The following ATXN7L1 variants were observed in gnomAD, a reference collection of about 807,000 sequenced individuals.
ATXN7L1 encodes ataxin-7-like protein 1.
A neutral mutation model predicts 70.8 loss-of-function variants in ATXN7L1; 15 were observed. The observed-to-expected ratio is 0.21, with a 90% CI of 0.14 to 0.33. The LOEUF is 0.33. Ranked by LOEUF, ATXN7L1 falls within the 10% of genes least tolerant of loss-of-function variation. The pLI, the probability that ATXN7L1 is intolerant of heterozygous loss-of-function variation, is 1.00. For synonymous variants in ATXN7L1, 440 were observed against 445.1 expected, an observed-to-expected ratio of 0.99 and a Z score of 0.14; for missense variants, 975 against 1,097.1, an observed-to-expected ratio of 0.89 and a Z score of 1.57.
At chr7:105,719,572 C>T (rs1454695449) in intron 3 of ATXN7L1, among the ~76,000 whole-genome samples, 1 of 152,132 alleles carries the variant, frequency 6.6e-6, no homozygotes, top group Non-Finnish European at 1.5e-5. Context: ...CCACAGCTTC[C>T]TCCTAACTGC....
At chr7:105,744,488 C>G (rs1052874418) in intron 3 of ATXN7L1, among the ~76,000 whole-genome samples, 1 of 152,120 alleles carries the variant, frequency 6.6e-6, no homozygotes, top group Admixed American at 6.5e-5. Context: ...GGCTTGTTCT[C>G]CATGTGTCAG....
At chr7:105,615,158 C>T (rs1361449211) in intron 9 of ATXN7L1, among the ~76,000 whole-genome samples, 1 of 152,046 alleles carries the variant, frequency 6.6e-6, no homozygotes, top group East Asian at 1.9e-4. Flanking sequence ...ACCACTGCCC[C>T]CACCCCCCAA....
At chr7:105,745,745 C>T (rs924407363) in intron 3 of ATXN7L1, among the ~76,000 whole-genome samples, 1 of 152,212 alleles carries the variant, frequency 6.6e-6, no homozygotes, top group African/African-American at 2.4e-5. Flanking sequence ...GAGTCCCGGT[C>T]TTACTCTCTG....
chr7:105,717,407 T>C (rs1028115990), intron 3 of ATXN7L1, among the ~76,000 whole-genome samples: 1 of 152,306 alleles, frequency 6.6e-6, no homozygotes, highest in South Asian at 2.1e-4. Flanking sequence ...ATTACAGACA[T>C]GAGCCACTAT....
rs187939139 is a variant in ATXN7L1 at position 105,711,706 on chromosome 7, G to A, written c.356-46418C>T. Among the ~76,000 whole-genome samples the A allele has an allele frequency of 3.9e-5, 6 of 152,304 alleles. No homozygotes were observed. The South Asian group carries it at 6.2e-4, about 16-fold the overall frequency. On this transcript the variant is annotated intron_variant, in intron 3 of 11. Coordinates refer to ENST00000419735, the MANE Select transcript of ATXN7L1 (RefSeq NM_020725.2). ...TGACTCTGCAGGGTACAACCCCTAC[G>A]GCTACTTTCATGGTGTTGAGTGCCT...
chr7:105,855,907 T>C (rs1295152460), intron 2 of ATXN7L1, among the ~76,000 whole-genome samples: 1 of 152,240 alleles, frequency 6.6e-6, no homozygotes, highest in South Asian at 2.1e-4. Context: ...ATGTAAATAC[T>C]ACACCATTTC....
At position 105,613,843 on chromosome 7, in the gene ATXN7L1, G is replaced by A. The variant is rs1223146222; in HGVS notation, c.2472+19C>T. The A allele has an allele frequency of 4.5e-6, 7 of 1,551,698 alleles. No individual in the cohort carries two copies. ...CTGCCCCCCAGAGCCGGTGAAGGCG[G>A]TGCCAGGAGGTCCCTTACCTGCCGA... On this transcript the variant is annotated intron_variant, in intron 10 of 11. Coordinates refer to ENST00000419735, the MANE Select transcript of ATXN7L1 (RefSeq NM_020725.2).
rs142641851 is a variant in ATXN7L1 at position 105,767,233 on chromosome 7, G to C, written c.355+21371C>G. 8.9e-3 allele frequency among the ~76,000 whole-genome samples: 1,351 copies of C among 152,256 alleles called. 7 individuals are homozygous for C. Among genetic ancestry groups the C allele is most frequent in the South Asian group, 0.028 (136 of 4,822 alleles). On this transcript the variant is annotated intron_variant, in intron 3 of 11. Coordinates refer to ENST00000419735, the MANE Select transcript of ATXN7L1 (RefSeq NM_020725.2). ...CTGGCCACTGGAATCCGCTTTTGGG[G>C]ACACAGAAGCCCCCAAGATTCCAGC...
At chr7:105,822,724 C>T (rs1810336021) in intron 2 of ATXN7L1, among the ~76,000 whole-genome samples, 1 of 152,178 alleles carries the variant, frequency 6.6e-6, no homozygotes, top group African/African-American at 2.4e-5. Flanking sequence ...AAGTAGCTTG[C>T]CCAGTATCTC....
At chr7:105,868,375 G>A (rs1817783575) in intron 2 of ATXN7L1, among the ~76,000 whole-genome samples, 1 of 152,172 alleles carries the variant, frequency 6.6e-6, no homozygotes, top group South Asian at 2.1e-4. Context: ...GTTCTGGCAC[G>A]TCAGGAGAGC....
chr7:105,747,799 G>A (rs993190018), intron 3 of ATXN7L1, among the ~76,000 whole-genome samples: 1 of 152,148 alleles, frequency 6.6e-6, no homozygotes, highest in African/African-American at 2.4e-5. Context: ...CTTGGTGGTG[G>A]GAAAAACTCC....
intron 3 of ATXN7L1, among the ~76,000 whole-genome samples, chr7:105,781,552 C>T (rs1367394421): frequency 3.3e-5 from 5 of 152,170 alleles, no homozygotes; most frequent in South Asian, 2.1e-4. Flanking sequence ...TCTGACAAGA[C>T]GAAGAGTCAC....
intron 3 of ATXN7L1, among the ~76,000 whole-genome samples, chr7:105,777,784 T>C (rs1802944181): frequency 1.3e-5 from 2 of 152,194 alleles, no homozygotes; most frequent in South Asian, 2.1e-4. Flanking sequence ...CCTCACTCAA[T>C]ACCCCCCAGT....
intron 3 of ATXN7L1, among the ~76,000 whole-genome samples, chr7:105,745,739 C>T (rs915372653): frequency 7.9e-5 from 12 of 152,200 alleles, no homozygotes; most frequent in African/African-American, 2.7e-4. Context: ...GCCCTGGAGT[C>T]CCGGTCTTAC....
chr7:105,763,368 G>A (rs1800789312), intron 3 of ATXN7L1, among the ~76,000 whole-genome samples: 2 of 152,178 alleles, frequency 1.3e-5, no homozygotes, highest in Non-Finnish European at 2.9e-5. Flanking sequence ...GAGGAGGGAG[G>A]AGCTCCCCAG....
chr7:105,747,340 C>T (rs1798698852), intron 3 of ATXN7L1, among the ~76,000 whole-genome samples: 1 of 152,146 alleles, frequency 6.6e-6, no homozygotes, highest in African/African-American at 2.4e-5. Flanking sequence ...GTTCGGAGAA[C>T]TTCTGGATAG....
At chr7:105,857,933 GA>G (rs146876841) in intron 2 of ATXN7L1, among the ~76,000 whole-genome samples, 421 of 148,556 alleles carry the variant, frequency 2.8e-3, no homozygotes, top group African/African-American at 9.0e-3. Context: ...GCTACAGGGG[GA>G]AAAAAAAAAG....
At chr7:105,763,556 A>T (rs1584947129) in intron 3 of ATXN7L1, among the ~76,000 whole-genome samples, 1 of 152,358 alleles carries the variant, frequency 6.6e-6, no homozygotes, top group Non-Finnish European at 1.5e-5. Flanking sequence ...CTTTGCAAAC[A>T]TCATGTTCCC....
chr7:105,727,750 A>ATATATATATATATATATATATATATATG (rs1796017577), intron 3 of ATXN7L1, among the ~76,000 whole-genome samples: 1 of 75,686 alleles, frequency 1.3e-5, no homozygotes, highest in African/African-American at 5.5e-5. Context: ...ATGTGTGTAT[A>ATATATATATATATATATATATATATATG]TATATATATA....
Sources: allele counts gnomAD v4.1 joint callset (sites outside exome capture counted in the v4.1 genomes callset), GRCh38; gene constraint gnomAD v4.1.1; transcripts MANE v1.5; gene names NCBI Gene and HGNC (gene_info 2026-07-23, HGNC 2026-07-21).